Variants in NAALADL2 observed in about 807,000 individuals in gnomAD.
NAALADL2 encodes N-acetylated alpha-linked acidic dipeptidase like 2, also known as inactive N-acetylated-alpha-linked acidic dipeptidase-like protein 2.
A neutral mutation model predicts 87.2 loss-of-function variants in NAALADL2; 76 were observed. The observed-to-expected ratio is 0.87, with a 90% CI of 0.72 to 1.05. The LOEUF (loss-of-function observed/expected upper bound fraction) is 1.05, where lower values mean the gene tolerates loss of function less well. Ranked by LOEUF, NAALADL2 falls within the 50% of genes least tolerant of loss-of-function variation. NAALADL2 has a pLI of 0.00. For synonymous variants in NAALADL2, 354 were observed against 331.0 expected, an observed-to-expected ratio of 1.07 and a Z score of -0.75; for missense variants, 1,089 against 945.8, an observed-to-expected ratio of 1.15 and a Z score of -1.99.
intron 5 of NAALADL2, among the ~76,000 whole-genome samples, chr3:175,362,884 G>A (rs1765188015): frequency 6.8e-6 from 1 of 147,872 alleles, no homozygotes; most frequent in Non-Finnish European, 1.5e-5. Flanking sequence ...TCTTGAAGGA[G>A]TAAGGTGGTA....
intron 13 of NAALADL2, among the ~76,000 whole-genome samples, chr3:175,755,954 A>C (rs1235459184): frequency 6.6e-6 from 1 of 152,166 alleles, no homozygotes; most frequent in African/African-American, 2.4e-5. Flanking sequence ...TAACAATTAT[A>C]TGGAAGGTGG....
intron 9 of NAALADL2, among the ~76,000 whole-genome samples, chr3:175,565,242 C>T (rs1716917553): frequency 6.6e-6 from 1 of 152,106 alleles, no homozygotes; most frequent in African/African-American, 2.4e-5. Context: ...AACTTTTAGT[C>T]TGTAAAATGA....
chr3:175,368,313 T>A (rs1014338831), intron 5 of NAALADL2, among the ~76,000 whole-genome samples: 1 of 152,164 alleles, frequency 6.6e-6, no homozygotes, highest in African/African-American at 2.4e-5. Context: ...TGGTCTAAAA[T>A]TCTCTTTTTT....
intron 3 of NAALADL2, among the ~76,000 whole-genome samples, chr3:174,748,140 A>G (rs1734459208): frequency 1.3e-5 from 2 of 152,036 alleles, no homozygotes; most frequent in African/African-American, 4.8e-5. Context: ...GGAGGGGAAC[A>G]ACACACACTT....
chr3:174,599,439 A>G (rs1357891655), intron 2 of NAALADL2, among the ~76,000 whole-genome samples: 1 of 152,120 alleles, frequency 6.6e-6, no homozygotes, highest in African/African-American at 2.4e-5. Context: ...TTGGTACAAA[A>G]GACATAAATA....
intron 2 of NAALADL2, among the ~76,000 whole-genome samples, chr3:174,699,186 A>T (rs904748152): frequency 1.3e-5 from 2 of 152,158 alleles, no homozygotes; most frequent in African/African-American, 4.8e-5. Flanking sequence ...CACTTATTTT[A>T]TTCTTAATTT....
chr3:174,506,884 G>C (rs910757571), intron 1 of NAALADL2, among the ~76,000 whole-genome samples: 7 of 150,974 alleles, frequency 4.6e-5, no homozygotes, highest in African/African-American at 1.7e-4. Flanking sequence ...TATTAGTGTG[G>C]GCCTCTTTTT....
At chr3:175,043,897 A>G (rs9821394) in intron 1 of NAALADL2, among the ~76,000 whole-genome samples, 32,397 of 152,148 alleles carry the variant, frequency 0.21, 3,618 homozygotes, top group East Asian at 0.38. Flanking sequence ...GGATTGTTTC[A>G]TCTATTTTTA....
At chr3:174,999,423 G>C (rs1428734594) in intron 1 of NAALADL2, among the ~76,000 whole-genome samples, 1 of 152,010 alleles carries the variant, frequency 6.6e-6, no homozygotes, top group East Asian at 1.9e-4. Context: ...CCTTGGCCTT[G>C]ACATTTATTA....
At chr3:174,987,811 A>ATATATATATATAATTTT (rs1746155770) in intron 1 of NAALADL2, among the ~76,000 whole-genome samples, 18 of 121,308 alleles carry the variant, frequency 1.5e-4, no homozygotes, top group African/African-American at 8.3e-4. Flanking sequence ...TATATATATA[A>ATATATATATATAATTTT]TTATATATAT....
chr3:174,752,947 T>A (rs1257080989), intron 3 of NAALADL2, among the ~76,000 whole-genome samples: 1 of 152,208 alleles, frequency 6.6e-6, no homozygotes, highest in African/African-American at 2.4e-5. Context: ...CTATACACAT[T>A]TAATAGTATG....
intron 11 of NAALADL2, among the ~76,000 whole-genome samples, chr3:175,725,587 T>C (rs1742811191): frequency 6.6e-6 from 1 of 152,146 alleles, no homozygotes; most frequent in African/African-American, 2.4e-5. Flanking sequence ...TTGGTAAATA[T>C]TGGCCACTGG....
chr3:175,457,099 T>C (rs1722429581), intron 6 of NAALADL2, among the ~76,000 whole-genome samples: 1 of 152,028 alleles, frequency 6.6e-6, no homozygotes, highest in African/African-American at 2.4e-5. Context: ...AACAATTTTT[T>C]CCCCTGTTTG....
chr3:175,196,326 T>C (rs1469484992), intron 2 of NAALADL2, among the ~76,000 whole-genome samples: 2 of 151,924 alleles, frequency 1.3e-5, no homozygotes, highest in Non-Finnish European at 2.9e-5. Flanking sequence ...TGTTCCTTAC[T>C]AGTAAATGTC....
At chr3:174,766,157 T>C (rs1381044231) in intron 3 of NAALADL2, among the ~76,000 whole-genome samples, 2 of 152,206 alleles carry the variant, frequency 1.3e-5, no homozygotes, top group African/African-American at 4.8e-5. Context: ...CCCTTTCTTA[T>C]CCTATTTGGA....
chr3:175,002,699 C>T (rs1748410197), intron 1 of NAALADL2, among the ~76,000 whole-genome samples: 1 of 152,158 alleles, frequency 6.6e-6, no homozygotes, highest in Non-Finnish European at 1.5e-5. Context: ...AGAAATTCAT[C>T]GACAAGTTTG....
intron 1 of NAALADL2, among the ~76,000 whole-genome samples, chr3:174,547,667 A>G (rs1324377440): frequency 1.3e-5 from 2 of 152,076 alleles, no homozygotes; most frequent in Admixed American, 6.5e-5. Flanking sequence ...CAAATCCTAC[A>G]TTCTTCCTAA....
chr3:174,442,850 G>A (rs1388378693), intron 1 of NAALADL2, among the ~76,000 whole-genome samples: 1 of 152,196 alleles, frequency 6.6e-6, no homozygotes, highest in Non-Finnish European at 1.5e-5. Context: ...GTCCTCTGGA[G>A]AAGGTGACAT....
intron 2 of NAALADL2, among the ~76,000 whole-genome samples, chr3:174,566,206 A>T (rs1373806823): frequency 1.3e-5 from 2 of 151,860 alleles, no homozygotes; most frequent in Non-Finnish European, 2.9e-5. Flanking sequence ...TTTAATTTTC[A>T]TTTTTCAATA....
Sources: allele counts gnomAD v4.1 joint callset (sites outside exome capture counted in the v4.1 genomes callset), GRCh38; gene constraint gnomAD v4.1.1; transcripts MANE v1.5; gene names NCBI Gene and HGNC (gene_info 2026-07-23, HGNC 2026-07-21).